PTPRG: variants seen among roughly 807,000 people sequenced by gnomAD.
PTPRG encodes protein tyrosine phosphatase receptor type G.
A neutral mutation model predicts 165.3 loss-of-function variants in PTPRG; 102 were observed. The observed-to-expected ratio is 0.62, with a 90% CI of 0.53 to 0.73. The LOEUF (loss-of-function observed/expected upper bound fraction) is 0.73. Among genes scored for constraint, PTPRG ranks in the 30% least tolerant of loss-of-function variants. The pLI is 0.00. For missense variants in PTPRG, 1,866 were observed against 1,861.4 expected, an observed-to-expected ratio of 1.00 and a Z score of -0.05; for synonymous variants, 675 against 669.5, an observed-to-expected ratio of 1.01 and a Z score of -0.13.
intron 2 of PTPRG, among the ~76,000 whole-genome samples, chr3:61,910,144 A>G (rs1015599987): frequency 3.3e-5 from 5 of 152,216 alleles, no homozygotes; most frequent in Non-Finnish European, 5.9e-5. Flanking sequence ...AAGTCTGTTC[A>G]CATGCCTTAC....
At chr3:62,125,730 A>T (rs2106907226) in intron 5 of PTPRG, among the ~76,000 whole-genome samples, 1 of 151,634 alleles carries the variant, frequency 6.6e-6, no homozygotes, top group East Asian at 1.9e-4. Flanking sequence ...ATCTGTGTGA[A>T]ACAGTTTGCA....
At chr3:62,161,540 A>T (rs1254905682) in intron 7 of PTPRG, among the ~76,000 whole-genome samples, 1 of 152,224 alleles carries the variant, frequency 6.6e-6, no homozygotes, top group South Asian at 2.1e-4. Flanking sequence ...GAACGTTTCT[A>T]TTTCAACACA....
Position 61,596,411 on chromosome 3 carries a change from A to G in PTPRG, c.85+34039A>G, listed in dbSNP as rs78272357. 6.6e-5 allele frequency among the ~76,000 whole-genome samples: 10 copies of G among 151,140 alleles called. 1 individual carries two copies. The East Asian group carries it at 2.0e-3, about 30-fold the overall frequency. ...AAAACAGATTTCACTAGTGGTTTTC[A>G]AAACACAGAATCTGTTTCAATTCGG... On this transcript the variant is annotated intron_variant, in intron 1 of 29. Coordinates refer to ENST00000474889, the MANE Select transcript of PTPRG (RefSeq NM_002841.4).
rs199618394 is a variant in PTPRG at position 62,098,562 on chromosome 3, T to TA, written c.615+20312dup. On this transcript the variant is annotated intron_variant, in intron 5 of 29. Transcript: ENST00000474889. ...TGGCCCCAGCTTTTATTCTGGCCAT[T>TA]AAAAAAAACAGAGTTGGGGGAAAAG... 2.3e-3 allele frequency among the ~76,000 whole-genome samples: 355 copies of TA among 151,868 alleles called. 1 individual carries two copies. The highest frequency in any genetic ancestry group is 7.1e-3 in the African/African-American group (295 of 41,456).
In PTPRG at chr3:62,133,523, T is replaced by C. The variant is rs141694494; in HGVS notation, c.682+855T>C. 6.3e-3 allele frequency among the ~76,000 whole-genome samples: 965 copies of C among 152,312 alleles called. 10 individuals carry two copies. Among genetic ancestry groups the C allele is most frequent in the African/African-American group, 0.022 (928 of 41,572 alleles). ...GCTTAACAAACATCTTCCCCCTCTCTTTCCGTGAAACTAAAACCAGTTGTC... is the reference window on the plus strand; with the variant it reads ...GCTTAACAAACATCTTCCCCCTCTCCTTCCGTGAAACTAAAACCAGTTGTC... On this transcript the variant is annotated intron_variant, in intron 6 of 29. Transcript: ENST00000474889.
chr3:61,805,598 T>C lies in PTPRG; in HGVS notation c.190+56616T>C, dbSNP rs1011903212. Among the ~76,000 whole-genome samples, 12 of 151,106 alleles carry C rather than the reference T, an allele frequency of 7.9e-5. No individual in the cohort carries two copies. In the South Asian group the frequency reaches 1.0e-3, roughly 13 times the overall value. ...GTTATCCACTGATGACATTTCCCTC[T>C]GAGGACTGTTTTCTGGGTTAGGGTA... On this transcript the variant is annotated intron_variant, in intron 2 of 29. Coordinates refer to ENST00000474889, the MANE Select transcript of PTPRG (RefSeq NM_002841.4).
chr3:62,258,113 C>T (rs942920850), intron 16 of PTPRG, among the ~76,000 whole-genome samples: 1 of 152,052 alleles, frequency 6.6e-6, no homozygotes, highest in Non-Finnish European at 1.5e-5. Context: ...AGGAACCCCC[C>T]CCACTAGGAG....
At chr3:61,972,824 TA>T (rs1477485407) in intron 2 of PTPRG, among the ~76,000 whole-genome samples, 7 of 77,688 alleles carry the variant, frequency 9.0e-5, no homozygotes, top group African/African-American at 2.1e-4. Flanking sequence ...AGCTAATTTT[TA>T]ATTTTTTTTT....
intron 5 of PTPRG, among the ~76,000 whole-genome samples, chr3:62,123,512 T>C (rs1161499460): frequency 6.6e-6 from 1 of 152,204 alleles, no homozygotes; most frequent in Non-Finnish European, 1.5e-5. Flanking sequence ...TAACATAGCA[T>C]AATAAAAATC....
At chr3:62,003,773 T>G (rs780810963) in intron 4 of PTPRG, among the ~76,000 whole-genome samples, 3 of 152,214 alleles carry the variant, frequency 2.0e-5, no homozygotes, top group Non-Finnish European at 2.9e-5. Flanking sequence ...TGACACAGTT[T>G]CTTTTCACTG....
chr3:61,563,280 C>T (rs1038423280), intron 1 of PTPRG, among the ~76,000 whole-genome samples: 1 of 152,116 alleles, frequency 6.6e-6, no homozygotes, highest in Admixed American at 6.5e-5. Context: ...GACCCAGTCT[C>T]GCTCCTTTCT....
In PTPRG at chr3:62,078,186, A is replaced by G. The variant is rs144683833; in HGVS notation, c.543A>G (p.Pro181=). The G allele has an allele frequency of 6.0e-4, 956 of 1,606,320 alleles. 1 individual carries two copies. The highest frequency in any genetic ancestry group is 1.3e-3 in the Middle Eastern group (8 of 6,076). The change falls in exon 5 of 30, where the codon CCA becomes CCG. Residue 181 remains proline, a synonymous_variant. Transcript: ENST00000474889. ...AGATGCAGATTTTCTTTTACAATCC[A>G]GATGACTTTGACAGCTTTCAAACCG... is the stretch of plus-strand genomic sequence containing the variant. ...PVEMQIFFYN[P]DDFDSFQTAI... is the part of the protein sequence containing the mutation.
intron 1 of PTPRG, among the ~76,000 whole-genome samples, chr3:61,685,013 T>A (rs920682337): frequency 6.6e-6 from 1 of 152,158 alleles, no homozygotes; most frequent in African/African-American, 2.4e-5. Context: ...CCCATCTCCC[T>A]CCCTCTCTCT....
chr3:62,124,181 G>T lies in PTPRG; in HGVS notation c.616-8421G>T. 5.2e-6 allele frequency: 4 copies of T among 765,020 alleles called. No homozygotes were observed. In the African/African-American group the frequency reaches 7.0e-5, roughly 13 times the overall value. 47.4% of individuals were successfully genotyped at this position (765,020 alleles called of 1,614,324 possible). A position where few individuals can be genotyped will look rare whatever the true frequency, so the allele number is the denominator to read the frequency against. On this transcript the variant is annotated intron_variant, in intron 5 of 29. Transcript: ENST00000474889. ...TTTGTTGTTGTCGTTGTTGTGCAAA[G>T]AAAAAAAAGAAGTCATGATTATTCA...
chr3:61,678,829 C>G (rs937194787), intron 1 of PTPRG, among the ~76,000 whole-genome samples: 1 of 152,050 alleles, frequency 6.6e-6, no homozygotes. Flanking sequence ...AAGTAAATGC[C>G]CATTGTAATA....
At chr3:61,803,513 G>GGTTCATGTTGTCCA in intron 2 of PTPRG, among the ~76,000 whole-genome samples, 1 of 126,380 alleles carries the variant, frequency 7.9e-6, no homozygotes, top group Non-Finnish European at 1.6e-5. Flanking sequence ...TGGACAACAT[G>GGTTCATGTTGTCCA]TAATGCCTCA....
chr3:62,039,938 C>T (rs1363873132), intron 4 of PTPRG, among the ~76,000 whole-genome samples: 1 of 152,154 alleles, frequency 6.6e-6, no homozygotes, highest in Non-Finnish European at 1.5e-5. Flanking sequence ...AAAAACTTAT[C>T]CCACTTAGTG....
intron 1 of PTPRG, among the ~76,000 whole-genome samples, chr3:61,576,909 A>G (rs1700184327): frequency 6.6e-6 from 1 of 152,160 alleles, no homozygotes; most frequent in South Asian, 2.1e-4. Flanking sequence ...TTTTCCTTCA[A>G]AGCCCAGGGG....
intron 2 of PTPRG, among the ~76,000 whole-genome samples, chr3:61,823,573 C>T (rs1254057561): frequency 7.2e-6 from 1 of 138,818 alleles, no homozygotes; most frequent in African/African-American, 2.6e-5. Context: ...TTGGGTGTAA[C>T]AAATTTATGC....
Sources: gnomAD v4.1 joint callset for allele counts (sites outside exome capture counted in the v4.1 genomes callset) on GRCh38, gnomAD v4.1.1 for gene constraint, MANE v1.5 for transcripts, NCBI Gene and HGNC (gene_info 2026-07-23, HGNC 2026-07-21) for gene names.